HHIPL2: variants seen among roughly 807,000 people sequenced by gnomAD.
HHIPL2 encodes HHIP-like protein 2.
HHIPL2 carries 61 observed loss-of-function variants against 61.0 expected under a neutral mutation model. That is an observed-to-expected ratio of 1.00 (90% CI 0.81 to 1.24). The LOEUF is 1.24. Among genes scored for constraint, HHIPL2 ranks in the 50% most tolerant of loss-of-function variants. The pLI, the probability that HHIPL2 is intolerant of heterozygous loss-of-function variation, is 0.00. For synonymous variants in HHIPL2, 343 were observed against 357.4 expected, an observed-to-expected ratio of 0.96 and a Z score of 0.45; for missense variants, 885 against 910.2, an observed-to-expected ratio of 0.97 and a Z score of 0.36.
chr1:222,547,897 G>A lies in HHIPL2; in HGVS notation c.148C>T (p.Pro50Ser), dbSNP rs761002769. The A allele has an allele frequency of 6.2e-7, 1 of 1,614,146 alleles. No individual in the cohort carries two copies. The change falls in exon 1 of 9, where the codon CCC becomes TCC. Residue 50 changes from proline to serine, a missense_variant. Physicochemically the swap from Pro to Ser is moderately conservative, Grantham distance 74. Coordinates refer to ENST00000343410, the MANE Select transcript of HHIPL2 (RefSeq NM_024746.4). Reference protein sequence around the residue: ...QGHPQCLDYGPPFQPPLHLEF... With the variant: ...QGHPQCLDYGSPFQPPLHLEF... ...AGGTGCAGAGGGGGCTGGAAAGGGGGCCCGTAATCCAGGCACTGGGGGTGT... is the reference window on the plus strand; with the variant it reads ...AGGTGCAGAGGGGGCTGGAAAGGGGACCCGTAATCCAGGCACTGGGGGTGT...
intron 1 of HHIPL2, among the ~76,000 whole-genome samples, chr1:222,546,915 G>A (rs941135482): frequency 6.6e-6 from 1 of 152,174 alleles, no homozygotes; most frequent in African/African-American, 2.4e-5. Context: ...CAGTTCAAAA[G>A]GCTGCCTGGA....
chr1:222,542,059 C>G lies in HHIPL2; in HGVS notation c.1071G>C (p.Gly357=), dbSNP rs574567517. 2.6e-5 allele frequency: 42 copies of G among 1,613,944 alleles called. No individual in the cohort carries two copies. In the East Asian group the frequency reaches 9.4e-4, roughly 36 times the overall value. Residue 357 remains glycine (G), a synonymous_variant, in exon 3 of 9, where the codon GGG becomes GGC. Transcript: ENST00000343410. ...GGCCAAAGGGATCTCCAGCCTGTCC[C>G]CCGTCCCCAGTGAATATGTACATAT... ...DGYMYIFTGD[G]GQAGDPFGLF... is the part of the protein sequence containing the mutation.
rs1473172319 is a variant in HHIPL2, at chr1:222,543,600, A to G, written c.911T>C (p.Ile304Thr). 1 of 1,614,144 alleles carries G rather than the reference A, an allele frequency of 6.2e-7. No homozygotes were observed. Among genetic ancestry groups the G allele is most frequent in the South Asian group, 1.1e-5 (1 of 91,080 alleles). Residue 304 changes from isoleucine to threonine, a missense_variant, in exon 2 of 9, where the codon ATC (isoleucine) becomes ACC (threonine). Physicochemically the swap from Ile to Thr is moderately conservative, Grantham distance 89. Coordinates refer to ENST00000343410, the MANE Select transcript of HHIPL2 (RefSeq NM_024746.4). Reference sequence around the variant, plus strand: ...AGAAACCTTCATCTCACTAATTCGGATCTTTTCTACCTTCTTCTTGTCCAG... The same window carrying G: ...AGAAACCTTCATCTCACTAATTCGGGTCTTTTCTACCTTCTTCTTGTCCAG... ...SCLDKKKVEKIRISEMKVSRA... is the reference protein window; with the variant it reads ...SCLDKKKVEKTRISEMKVSRA...
At chr1:222,522,922 A>C in intron 8 of HHIPL2, 35 bp from the exon 9 acceptor site, 1 of 1,563,986 alleles carries the variant, frequency 6.4e-7, no homozygotes, top group Non-Finnish European at 8.7e-7. Flanking sequence ...GAAAAATATA[A>C]GTCCCAGAAA....
At position 222,522,362 on chromosome 1, in the gene HHIPL2, T is replaced by C; in HGVS notation, c.*239A>G. 1.8e-6 allele frequency: 1 copy of C among 561,072 alleles called. No homozygotes were observed. 34.8% of individuals were successfully genotyped at this position (561,072 alleles called of 1,614,324 possible). On this transcript the variant is annotated 3_prime_UTR_variant, in exon 9 of 9. Coordinates refer to ENST00000343410, the MANE Select transcript of HHIPL2 (RefSeq NM_024746.4). ...CCAAGCAGGCTCATGGACTAGTGCT[T>C]ACCATAACCCAGGTGCACCAGCAAT...
At chr1:222,527,147 C>T (rs561188095) in intron 6 of HHIPL2, 97 bp from the exon 7 acceptor site, 32 of 917,784 alleles carry the variant, frequency 3.5e-5, no homozygotes, top group Non-Finnish European at 5.3e-5. Flanking sequence ...AGGTTATGGC[C>T]CTAAAATGCA....
chr1:222,544,140 G>T lies in HHIPL2; in HGVS notation c.371C>A (p.Thr124Lys). The part of the protein sequence containing the change: ...AHLYDAENTQ[T>K]PLRNLPGLCS... Reference sequence around the variant, plus strand: ...GAGGCCCGGGAGATTCCGGAGAGGCGTCTGGGTGTTTTCGGCGTCGTAGAG... The same window carrying T: ...GAGGCCCGGGAGATTCCGGAGAGGCTTCTGGGTGTTTTCGGCGTCGTAGAG... Residue 124 changes from threonine to lysine, a missense_variant, in exon 2 of 9, where the codon ACG becomes AAG. Physicochemically the swap from Thr to Lys is moderately conservative, Grantham distance 78 (BLOSUM62 -1). Transcript: ENST00000343410. 6.2e-7 allele frequency: 1 copy of T among 1,613,814 alleles called. No individual in the cohort carries two copies. The highest frequency in any genetic ancestry group is 8.5e-7 in the Non-Finnish European group (1 of 1,180,018).
chr1:222,543,369 C>T (rs1659476262), intron 2 of HHIPL2, among the ~76,000 whole-genome samples, 168 bp downstream of exon 2: 2 of 152,176 alleles, frequency 1.3e-5, no homozygotes, highest in African/African-American at 4.8e-5. Flanking sequence ...ATTAAACAGC[C>T]TTAACTCAAG....
Position 222,527,031 on chromosome 1 carries a change from C to T in HHIPL2, c.1743G>A (p.Ala581=), listed in dbSNP as rs376266607. 1.5e-5 allele frequency: 25 copies of T among 1,613,218 alleles called. No individual in the cohort carries two copies. The African/African-American group carries it at 2.3e-4, about 15-fold the overall frequency. The change falls in exon 7 of 9, where the codon GCG becomes GCA. Residue 581 remains alanine (A), a synonymous_variant. Coordinates refer to ENST00000343410, the MANE Select transcript of HHIPL2 (RefSeq NM_024746.4). The part of the protein sequence containing the change: ...EDEAGELYFL[A]TSYPSAYAPR... ...GTGCATAGGCACTTGGGTAAGAGGT[C>T]GCCAGGAAATACAGCTCCCCTAAGG...
At chr1:222,538,288 T>C (rs1242095913) in intron 5 of HHIPL2, among the ~76,000 whole-genome samples, 1 of 151,104 alleles carries the variant, frequency 6.6e-6, no homozygotes, top group Non-Finnish European at 1.5e-5. Context: ...TGGCTACATG[T>C]ACATATTCAC....
rs542728855 is a variant in HHIPL2 at position 222,533,339 on chromosome 1, T to G, written c.1578-1228A>C. Among the ~76,000 whole-genome samples the G allele has an allele frequency of 3.4e-5, 5 of 145,516 alleles. No individual in the cohort carries two copies. The South Asian group carries it at 6.4e-4, about 19-fold the overall frequency. On this transcript the variant is annotated intron_variant, in intron 5 of 8. Transcript: ENST00000343410. ...GAGATTGCACCACTGCACTCCAGCCTGGGTGACAGAGGGAGACTCTGTCTC... is the reference window on the plus strand; with the variant it reads ...GAGATTGCACCACTGCACTCCAGCCGGGGTGACAGAGGGAGACTCTGTCTC...
chr1:222,543,515 G>T lies in HHIPL2; in HGVS notation c.974+22C>A, dbSNP rs780402021. On this transcript the variant is annotated intron_variant, in intron 2 of 8. Coordinates refer to ENST00000343410, the MANE Select transcript of HHIPL2 (RefSeq NM_024746.4). ...TATTTCGGAACACAGTACAGCTGTAGGCTCTCATGAGTACCTCTCACCTCT... is the reference window on the plus strand; with the variant it reads ...TATTTCGGAACACAGTACAGCTGTATGCTCTCATGAGTACCTCTCACCTCT... The T allele has an allele frequency of 2.5e-6, 4 of 1,595,018 alleles. No individual in the cohort carries two copies. In the South Asian group the frequency reaches 4.5e-5, roughly 18 times the overall value.
chr1:222,523,138 G>T (rs1658989127), intron 8 of HHIPL2, among the ~76,000 whole-genome samples: 1 of 151,990 alleles, frequency 6.6e-6, no homozygotes, highest in African/African-American at 2.4e-5. Context: ...CTGCCCCAAG[G>T]AAACATTCCT....
intron 5 of HHIPL2, among the ~76,000 whole-genome samples, chr1:222,534,698 TG>T (rs1659265895): frequency 9.2e-6 from 1 of 108,938 alleles, no homozygotes; most frequent in Non-Finnish European, 2.1e-5. Flanking sequence ...ACACACTCAA[TG>T]GAATGAATGG....
At chr1:222,546,767 T>C (rs1452001774) in intron 1 of HHIPL2, among the ~76,000 whole-genome samples, 1 of 152,198 alleles carries the variant, frequency 6.6e-6, no homozygotes, top group Non-Finnish European at 1.5e-5. Flanking sequence ...TCTCCTGGAC[T>C]CTGGGAAGCT....
chr1:222,540,488 T>C (rs74148125), intron 3 of HHIPL2, 147 bp from the exon 4 acceptor site: 12,007 of 637,506 alleles, frequency 0.019, 481 homozygotes, highest in African/African-American at 0.11. Context: ...ATTTTCCTTC[T>C]TTTTTTGTAC....
At chr1:222,537,969 C>T (rs529121982) in intron 5 of HHIPL2, among the ~76,000 whole-genome samples, 146 of 152,122 alleles carry the variant, frequency 9.6e-4, no homozygotes, top group Non-Finnish European at 1.6e-3. Flanking sequence ...ATCAGCAACA[C>T]GGAGAACAGA....
chr1:222,541,905 A>G (rs11487812), intron 3 of HHIPL2, 107 bp downstream of exon 3: 468,722 of 1,152,304 alleles, frequency 0.41, 102,412 homozygotes, highest in African/African-American at 0.7. Flanking sequence ...TCAGTGGAGT[A>G]GACTACATCT....
rs1277269582 is a variant in HHIPL2, at chr1:222,522,602, C to G, written c.2174G>C (p.Ter725SerextTer20). ...CTGTCGGCCACCTTGACCAATAGGT[C>G]AAGGGAGACTTCTGCCAGCTCGCTT... ...EQKRAGRSLP[*>S] Residue 725 changes from the stop codon to serine (S), a stop_lost, in exon 9 of 9, where the codon TGA becomes TCA. Coordinates refer to ENST00000343410, the MANE Select transcript of HHIPL2 (RefSeq NM_024746.4). 2.5e-6 allele frequency: 4 copies of G among 1,611,680 alleles called. No homozygotes were observed. In the South Asian group the frequency reaches 4.4e-5, roughly 18 times the overall value.
Sources: gnomAD v4.1 joint callset for allele counts (sites outside exome capture counted in the v4.1 genomes callset) on GRCh38, gnomAD v4.1.1 for gene constraint, MANE v1.5 for transcripts, NCBI Gene and HGNC (gene_info 2026-07-23, HGNC 2026-07-21) for gene names.